The following ASIC2 variants were observed in gnomAD, a reference collection of about 807,000 sequenced individuals.
ASIC2 encodes acid sensing ion channel subunit 2, also known as acid-sensing ion channel 2.
A neutral mutation model predicts 57.3 loss-of-function variants in ASIC2; 25 were observed. That is an observed-to-expected ratio of 0.44 (90% confidence interval 0.32 to 0.61). The LOEUF is 0.61. Ranked by LOEUF, ASIC2 falls within the 20% of genes least tolerant of loss-of-function variation. ASIC2 has a pLI of 0.06. For synonymous variants in ASIC2, 319 were observed against 307.5 expected (o/e 1.04, Z -0.39); for missense variants, 641 against 738.1 (o/e 0.87, Z 1.52).
chr17:33,911,837 C>T (rs7212577), intron 1 of ASIC2, among the ~76,000 whole-genome samples: 20,773 of 152,092 alleles, frequency 0.14, 1,833 homozygotes, highest in South Asian at 0.29. Context: ...AGCAGTGGAT[C>T]GGCTGGGCAC....
chr17:33,084,140 T>A (rs960731194), intron 3 of ASIC2, among the ~76,000 whole-genome samples: 1 of 152,030 alleles, frequency 6.6e-6, no homozygotes, highest in Non-Finnish European at 1.5e-5. Flanking sequence ...GATCCTTATG[T>A]CCTTGAGTGA....
intron 1 of ASIC2, among the ~76,000 whole-genome samples, chr17:33,750,895 G>T (rs1342893507): frequency 6.6e-6 from 1 of 152,094 alleles, no homozygotes; most frequent in Non-Finnish European, 1.5e-5. Context: ...CAGTTTCCTG[G>T]GGAAACACAT....
intron 1 of ASIC2, among the ~76,000 whole-genome samples, chr17:33,206,757 G>T (rs1308997496): frequency 1.3e-5 from 2 of 152,168 alleles, no homozygotes; most frequent in African/African-American, 2.4e-5. Context: ...GACACCTCTA[G>T]ATTGGAGAAG....
intron 1 of ASIC2, among the ~76,000 whole-genome samples, chr17:33,537,115 G>A (rs994569706): frequency 6.6e-6 from 1 of 152,160 alleles, no homozygotes; most frequent in Admixed American, 6.5e-5. Flanking sequence ...TCTTTTTGTA[G>A]TTTACAGAAC....
chr17:34,039,742 G>T (rs1037305014), intron 1 of ASIC2: 12 of 1,612,124 alleles, frequency 7.4e-6, no homozygotes, highest in Admixed American at 6.7e-5. Flanking sequence ...ATCACTCAAG[G>T]ATCCGACGCT....
chr17:33,229,569 C>A (rs2142106031), intron 1 of ASIC2, among the ~76,000 whole-genome samples: 1 of 152,192 alleles, frequency 6.6e-6, no homozygotes, highest in Middle Eastern at 3.4e-3. Flanking sequence ...TTTTTCCATG[C>A]AAAAGGGAGA....
rs186976212 is a variant in ASIC2, at chr17:33,059,265, C to T, written c.987+29598G>A. On this transcript the variant is annotated intron_variant, in intron 3 of 9. Coordinates refer to ENST00000225823, the MANE Select transcript of ASIC2 (RefSeq NM_183377.2). ...TGTTGGTGTGCTGCACCCATTAACT[C>T]GTCATTTACATTAGGTATCTCTCCT... 4.1e-3 allele frequency among the ~76,000 whole-genome samples: 617 copies of T among 152,214 alleles called. 3 individuals carry two copies. The highest frequency in any genetic ancestry group is 0.014 in the African/African-American group (570 of 41,542).
chr17:34,075,353 T>C (rs1909595856), intron 1 of ASIC2, among the ~76,000 whole-genome samples: 1 of 152,194 alleles, frequency 6.6e-6, no homozygotes, highest in South Asian at 2.1e-4. Context: ...TCCACAAAAT[T>C]AGCTGTGTGG....
intron 3 of ASIC2, among the ~76,000 whole-genome samples, chr17:33,058,689 TGG>T (rs1250648208): frequency 1.4e-4 from 21 of 152,126 alleles, no homozygotes; most frequent in African/African-American, 4.8e-4. Context: ...TGAAAATCTT[TGG>T]GAAAATACAT....
At chr17:33,802,702 G>A (rs1202681670) in intron 1 of ASIC2, among the ~76,000 whole-genome samples, 1 of 152,258 alleles carries the variant, frequency 6.6e-6, no homozygotes, top group Non-Finnish European at 1.5e-5. Context: ...TCTAGAAACA[G>A]AAGGAGGAAC....
In ASIC2 at chr17:33,776,997, C is replaced by T. The variant is rs190055604; in HGVS notation, c.555+378981G>A. Among the ~76,000 whole-genome samples, 22 of 152,322 alleles carry T rather than the reference C, an allele frequency of 1.4e-4. No homozygotes were observed. The East Asian group carries it at 2.3e-3, about 16-fold the overall frequency. On this transcript the variant is annotated intron_variant, in intron 1 of 9. Coordinates refer to the ASIC2 transcript ENST00000359872. ...CCTGTGTCTCCCCTTCCGAGCCCTGCGATGGCTTCCCATTACCACCAAGCC... is the reference window on the plus strand; with the variant it reads ...CCTGTGTCTCCCCTTCCGAGCCCTGTGATGGCTTCCCATTACCACCAAGCC...
chr17:33,248,770 TCTG>T (rs1908780112), intron 1 of ASIC2, among the ~76,000 whole-genome samples: 1 of 152,206 alleles, frequency 6.6e-6, no homozygotes. Context: ...CAGTTCCCCC[TCTG>T]CTGCTGATAG....
chr17:34,119,046 C>T (rs1456368785), intron 1 of ASIC2, among the ~76,000 whole-genome samples: 1 of 152,200 alleles, frequency 6.6e-6, no homozygotes, highest in Non-Finnish European at 1.5e-5. Flanking sequence ...GGAACAGAAA[C>T]GGTTCATCCT....
intron 1 of ASIC2, among the ~76,000 whole-genome samples, chr17:33,934,482 T>C (rs1916014626): frequency 6.6e-6 from 1 of 152,094 alleles, no homozygotes; most frequent in Admixed American, 6.5e-5. Context: ...GGCTGACAAG[T>C]CCACAAGGTA....
chr17:33,705,133 T>A (rs558424707), intron 1 of ASIC2, among the ~76,000 whole-genome samples: 1 of 152,308 alleles, frequency 6.6e-6, no homozygotes, highest in Non-Finnish European at 1.5e-5. Context: ...GCATGAAATT[T>A]TTCTTCCTGC....
intron 1 of ASIC2, among the ~76,000 whole-genome samples, chr17:33,765,899 A>C (rs908917356): frequency 6.6e-6 from 1 of 152,188 alleles, no homozygotes; most frequent in African/African-American, 2.4e-5. Flanking sequence ...TGTATTCCCC[A>C]TGCAGTATCT....
chr17:33,088,145 C>T (rs560672898), intron 3 of ASIC2, among the ~76,000 whole-genome samples: 3 of 152,274 alleles, frequency 2.0e-5, no homozygotes, highest in Admixed American at 1.3e-4. Flanking sequence ...GTCACTGTCT[C>T]TCCAGTTTTT....
At chr17:33,172,232 A>C (rs1905549361) in intron 1 of ASIC2, among the ~76,000 whole-genome samples, 1 of 152,120 alleles carries the variant, frequency 6.6e-6, no homozygotes, top group Non-Finnish European at 1.5e-5. Context: ...TCATGTCCTA[A>C]AGTTCAGCTT....
chr17:33,279,662 A>C (rs193036006), intron 1 of ASIC2, among the ~76,000 whole-genome samples: 1 of 152,208 alleles, frequency 6.6e-6, no homozygotes, highest in Non-Finnish European at 1.5e-5. Context: ...CTGAGGTGGG[A>C]GGACTGCTTG....
Sources: gnomAD v4.1 joint callset for allele counts (sites outside exome capture counted in the v4.1 genomes callset) on GRCh38, gnomAD v4.1.1 for gene constraint, MANE v1.5 for transcripts, NCBI Gene and HGNC (gene_info 2026-07-23, HGNC 2026-07-21) for gene names.